Variants in OSBP2 observed in about 807,000 individuals in gnomAD.
The protein encoded by OSBP2 is oxysterol-binding protein 2.
In OSBP2, 66 loss-of-function variants were observed where a neutral mutation model predicts 96.0. That is an observed-to-expected ratio of 0.69 (90% confidence interval 0.56 to 0.84). The LOEUF (loss-of-function observed/expected upper bound fraction) is 0.84. Ranked by LOEUF, OSBP2 falls within the 40% of genes least tolerant of loss-of-function variation. OSBP2 has a pLI of 0.00. For missense variants in OSBP2, 1,038 were observed against 1,222.7 expected, an observed-to-expected ratio of 0.85 and a Z score of 2.25; for synonymous variants, 525 against 520.9, an observed-to-expected ratio of 1.01 and a Z score of -0.11.
rs149092338 is a variant in OSBP2 at position 30,870,589 on chromosome 22, C to T, written c.1014C>T (p.Asp338=). 6.7e-5 allele frequency: 108 copies of T among 1,613,866 alleles called. No individual in the cohort carries two copies. The highest frequency in any genetic ancestry group is 7.6e-5 in the Non-Finnish European group (90 of 1,179,962). ...TCCAGCGCTCCCTGACAGAGCTGGA[C>T]GGCCTCAAGATCCCATCTGAGAGTG... is the stretch of plus-strand genomic sequence containing the variant. The part of the protein sequence containing the change: ...AALQRSLTEL[D]GLKIPSESGE... The change falls in exon 3 of 14, where the codon GAC becomes GAT. Residue 338 remains aspartate (D), a synonymous_variant. Coordinates refer to ENST00000332585, the MANE Select transcript of OSBP2 (RefSeq NM_030758.4). This position sits in a 1 kb window ranked among gnomAD's most constrained non-coding sequence, Gnocchi z 4.1.
chr22:30,888,138 TG>T, intron 4 of OSBP2, 84 bp from the exon 5 acceptor site: 1 of 885,022 alleles, frequency 1.1e-6, no homozygotes, highest in Non-Finnish European at 1.9e-6. Flanking sequence ...AGATGGGGGT[TG>T]GGGGAGCCCT....
At chr22:30,882,029 G>A (rs1051216824) in intron 3 of OSBP2, among the ~76,000 whole-genome samples, 3 of 152,182 alleles carry the variant, frequency 2.0e-5, no homozygotes, top group African/African-American at 7.2e-5. Flanking sequence ...AGCTGTCCTA[G>A]GGACTTCCTG....
In OSBP2 at chr22:30,810,104, G is replaced by C. The variant is rs2090986229; in HGVS notation, c.854-60325G>C. The stretch of plus-strand genomic sequence containing the variant: ...GCTACAGATGGGGAAATGTGAATGG[G>C]GGATAGGATATGGAGCTATGGACAT... On this transcript the variant is annotated intron_variant, in intron 2 of 13. Coordinates refer to ENST00000332585, the MANE Select transcript of OSBP2 (RefSeq NM_030758.4). 6.6e-5 allele frequency among the ~76,000 whole-genome samples: 10 copies of C among 152,240 alleles called. No homozygotes were observed. The South Asian group carries it at 1.9e-3, about 28-fold the overall frequency.
chr22:30,832,849 G>A (rs1393239325), intron 2 of OSBP2, among the ~76,000 whole-genome samples: 1 of 152,168 alleles, frequency 6.6e-6, no homozygotes, highest in African/African-American at 2.4e-5. Context: ...GGGGAGCTGG[G>A]GTGGAGTGCC....
chr22:30,846,546 C>T (rs2038874949), intron 2 of OSBP2, among the ~76,000 whole-genome samples: 1 of 152,032 alleles, frequency 6.6e-6, no homozygotes, highest in Non-Finnish European at 1.5e-5. Flanking sequence ...TAATAGCCAT[C>T]CTAGTAGGTG....
chr22:30,729,244 A>G (rs2089705474), intron 1 of OSBP2, among the ~76,000 whole-genome samples: 1 of 152,208 alleles, frequency 6.6e-6, no homozygotes, highest in African/African-American at 2.4e-5. Flanking sequence ...ACATTTATCC[A>G]AAAGAACTGA....
chr22:30,822,882 G>A (rs760566220), intron 2 of OSBP2, among the ~76,000 whole-genome samples: 7 of 152,218 alleles, frequency 4.6e-5, no homozygotes, highest in Non-Finnish European at 7.3e-5. Context: ...CCGCCGGCGT[G>A]CGCTCCCGGC....
chr22:30,832,139 C>G (rs73402279), intron 2 of OSBP2, among the ~76,000 whole-genome samples: 158 of 152,226 alleles, frequency 1.0e-3, no homozygotes, highest in African/African-American at 3.5e-3. Flanking sequence ...CTACTTCACT[C>G]CCACCATCCC....
At chr22:30,900,167 T>C (rs1189645095) in intron 12 of OSBP2, among the ~76,000 whole-genome samples, 1 of 151,162 alleles carries the variant, frequency 6.6e-6, no homozygotes, top group Non-Finnish European at 1.5e-5. Context: ...GGCAGGAGAA[T>C]CACTTGAACC....
At chr22:30,706,851 C>G (rs762754737) in intron 1 of OSBP2, among the ~76,000 whole-genome samples, 1 of 152,160 alleles carries the variant, frequency 6.6e-6, no homozygotes, top group Non-Finnish European at 1.5e-5. Flanking sequence ...AGGCTTAATC[C>G]CAGGGTCATC....
At chr22:30,731,843 G>T (rs117678677) in intron 1 of OSBP2, among the ~76,000 whole-genome samples, 4 of 152,164 alleles carry the variant, frequency 2.6e-5, no homozygotes, top group African/African-American at 7.2e-5. Context: ...TGCTGTGGCC[G>T]GTCCTGGTGT....
intron 1 of OSBP2, 44 bp from the exon 2 acceptor site, chr22:30,741,117 T>G (rs2145739620): frequency 7.9e-4 from 1,142 of 1,448,684 alleles, no homozygotes; most frequent in Non-Finnish European, 1.0e-3. Flanking sequence ...CTGGAGCCAT[T>G]GAGATTAGGA....
intron 2 of OSBP2, among the ~76,000 whole-genome samples, chr22:30,798,457 C>T (rs2090796762): frequency 6.6e-6 from 1 of 151,988 alleles, no homozygotes; most frequent in Non-Finnish European, 1.5e-5. Context: ...TTTTTGTTAT[C>T]GTCTGTACCT....
chr22:30,789,952 T>A (rs1244570349), intron 2 of OSBP2, among the ~76,000 whole-genome samples: 3 of 152,192 alleles, frequency 2.0e-5, no homozygotes, highest in Admixed American at 6.5e-5. Flanking sequence ...TGAATCTCGG[T>A]GAAAACATGT....
intron 12 of OSBP2, among the ~76,000 whole-genome samples, chr22:30,899,468 T>C (rs1202748331): frequency 6.7e-6 from 1 of 149,994 alleles, no homozygotes; most frequent in African/African-American, 2.5e-5. Context: ...AGTCCTATAA[T>C]AAAGTAACTG....
chr22:30,896,180 C>T (rs1008265485), intron 12 of OSBP2, among the ~76,000 whole-genome samples: 2 of 151,630 alleles, frequency 1.3e-5, no homozygotes, highest in African/African-American at 4.8e-5. Flanking sequence ...CTACTGTGCT[C>T]GCCTAATTTT....
chr22:30,846,480 G>A (rs551103930), intron 2 of OSBP2, among the ~76,000 whole-genome samples: 1 of 152,002 alleles, frequency 6.6e-6, no homozygotes, highest in Non-Finnish European at 1.5e-5. Flanking sequence ...CCCACAGTAT[G>A]AGAGTTCCAA....
At chr22:30,789,227 C>T (rs1039610555) in intron 2 of OSBP2, among the ~76,000 whole-genome samples, 6 of 152,152 alleles carry the variant, frequency 3.9e-5, no homozygotes, top group Non-Finnish European at 7.3e-5. Flanking sequence ...AACTTCAGTG[C>T]TCAACGGCTC....
At chr22:30,823,692 ACC>A (rs2038335708) in intron 2 of OSBP2, among the ~76,000 whole-genome samples, 1 of 152,234 alleles carries the variant, frequency 6.6e-6, no homozygotes, top group Admixed American at 6.5e-5. Context: ...CTCTTGAAAC[ACC>A]ATATGAGGTC....
Sources: gnomAD v4.1 joint callset for allele counts (sites outside exome capture counted in the v4.1 genomes callset) on GRCh38, gnomAD v4.1.1 for gene constraint, Gnocchi (gnomAD v3.1) non-coding constraint, MANE v1.5 for transcripts, NCBI Gene and HGNC (gene_info 2026-07-23, HGNC 2026-07-21) for gene names.